Variants in GADL1 observed in about 807,000 individuals in gnomAD.
GADL1 encodes the protein GAD like acidic amino acid decarboxylase 1.
A neutral mutation model predicts 69.5 loss-of-function variants in GADL1; 71 were observed. That is an observed-to-expected ratio of 1.02 (90% CI 0.84 to 1.25). The LOEUF (loss-of-function observed/expected upper bound fraction) is 1.25, where lower values mean the gene tolerates loss of function less well. GADL1 is among the 50% of genes most tolerant of loss of function. The pLI is 0.00. For synonymous variants in GADL1, 254 were observed against 214.4 expected (o/e 1.18, Z -1.62); for missense variants, 737 against 631.8 (o/e 1.17, Z -1.79).
chr3:30,827,991 T>A (rs1279736123), intron 11 of GADL1, among the ~76,000 whole-genome samples: 1 of 151,944 alleles, frequency 6.6e-6, no homozygotes, highest in African/African-American at 2.4e-5. Context: ...AAGAAATTTA[T>A]AATGTACCTG....
intron 2 of GADL1, among the ~76,000 whole-genome samples, chr3:30,858,298 T>C (rs1310795765): frequency 1.3e-5 from 2 of 152,124 alleles, no homozygotes; most frequent in East Asian, 3.9e-4. Context: ...GAGTTTGGAC[T>C]TGGCTCTAAG....
intron 1 of GADL1, among the ~76,000 whole-genome samples, chr3:30,887,658 A>T (rs1698727263): frequency 2.0e-5 from 3 of 152,174 alleles, no homozygotes. Context: ...ACTAAGAGGC[A>T]GTCTTCAGGA....
At chr3:30,813,252 G>T (rs760768075) in intron 11 of GADL1, among the ~76,000 whole-genome samples, 15 of 152,074 alleles carry the variant, frequency 9.9e-5, no homozygotes, top group African/African-American at 3.6e-4. Context: ...TTGCACTGCA[G>T]CCCACCTCCT....
chr3:30,765,524 C>A (rs1194140567), intron 14 of GADL1, among the ~76,000 whole-genome samples: 1 of 152,114 alleles, frequency 6.6e-6, no homozygotes, highest in Non-Finnish European at 1.5e-5. Context: ...GACAATCAAC[C>A]CCATTATTAA....
intron 14 of GADL1, among the ~76,000 whole-genome samples, chr3:30,771,561 A>G: frequency 6.6e-6 from 1 of 152,218 alleles, no homozygotes; most frequent in South Asian, 2.1e-4. Context: ...TTAAACATAA[A>G]TTTTAAAGTA....
chr3:30,776,322 T>TA (rs1348997955), intron 14 of GADL1, among the ~76,000 whole-genome samples: 1 of 152,162 alleles, frequency 6.6e-6, no homozygotes, highest in Non-Finnish European at 1.5e-5. Flanking sequence ...TCTACCCTAC[T>TA]AAAAAATGTC....
At chr3:30,802,709 C>CA (rs1030735992) in intron 11 of GADL1, among the ~76,000 whole-genome samples, 17 of 152,152 alleles carry the variant, frequency 1.1e-4, no homozygotes, top group African/African-American at 3.6e-4. Context: ...TATTCTATTA[C>CA]AAAAAAGTAT....
At chr3:30,812,042 T>C (rs189560763) in intron 11 of GADL1, among the ~76,000 whole-genome samples, 1 of 152,344 alleles carries the variant, frequency 6.6e-6, no homozygotes, top group Non-Finnish European at 1.5e-5. Flanking sequence ...TGTTGAGTTT[T>C]TCTGATAACA....
In GADL1 at chr3:30,786,388, GATTTC is replaced by G; in HGVS notation, c.1264_1268del (p.Glu422GlnfsTer13). Reference sequence around the variant, plus strand: ...GTAACTTGAATCCTTCTCTTTTCTTGATTTCATCTACTAGGTACCTAAAATTAAAA... The same window carrying G: ...GTAACTTGAATCCTTCTCTTTTCTTGATCTACTAGGTACCTAAAATTAAAA... On this transcript the variant is annotated frameshift_variant, in exon 13 of 15. Coordinates refer to ENST00000282538, the MANE Select transcript of GADL1 (RefSeq NM_207359.3). LOFTEE classifies it high-confidence loss of function. 6.6e-7 allele frequency: 1 copy of G among 1,516,246 alleles called. No homozygotes were observed. The highest frequency in any genetic ancestry group is 1.1e-5 in the South Asian group (1 of 88,616). 93.9% of individuals were successfully genotyped at this position (1,516,246 alleles called of 1,614,324 possible). A position where few individuals can be genotyped will look rare whatever the true frequency, so the allele number is the denominator to read the frequency against.
intron 3 of GADL1, 53 bp from the exon 4 acceptor site, chr3:30,854,842 CT>C (rs2125534064): frequency 2.4e-6 from 2 of 837,256 alleles, no homozygotes; most frequent in Admixed American, 2.4e-5. Flanking sequence ...AAAAAAACTA[CT>C]GATACAGCAT....
intron 13 of GADL1, among the ~76,000 whole-genome samples, chr3:30,778,551 G>A (rs1575200772): frequency 6.6e-6 from 1 of 152,112 alleles, no homozygotes; most frequent in South Asian, 2.1e-4. Flanking sequence ...AGCTCTGATC[G>A]TCAGTTAGTG....
intron 4 of GADL1, among the ~76,000 whole-genome samples, chr3:30,851,561 T>C (rs58547425): frequency 0.042 from 6,373 of 152,212 alleles, 437 homozygotes; most frequent in African/African-American, 0.14. Flanking sequence ...GTCAGAGCAT[T>C]GATGTTTTAG....
chr3:30,834,302 C>A, intron 9 of GADL1, 21 bp from the exon 10 acceptor site: 1 of 1,599,680 alleles, frequency 6.3e-7, no homozygotes, highest in Non-Finnish European at 8.6e-7. Flanking sequence ...ATTTACAGTA[C>A]CAGAACAATG....
At chr3:30,797,436 A>C (rs1697059655) in intron 12 of GADL1, among the ~76,000 whole-genome samples, 2 of 152,212 alleles carry the variant, frequency 1.3e-5, no homozygotes, top group African/African-American at 2.4e-5. Flanking sequence ...CTTAAATAGC[A>C]TGTAGGACAT....
intron 12 of GADL1, among the ~76,000 whole-genome samples, chr3:30,793,009 T>TA (rs576002244): frequency 7.2e-5 from 11 of 152,142 alleles, no homozygotes; most frequent in Non-Finnish European, 1.3e-4. Flanking sequence ...TGATTAAAGT[T>TA]AAAAAATGCT....
intron 6 of GADL1, among the ~76,000 whole-genome samples, chr3:30,846,131 G>GC (rs547928033): frequency 1.2e-3 from 186 of 151,492 alleles, no homozygotes; most frequent in African/African-American, 4.3e-3. Context: ...AGCCCTGGAA[G>GC]GGAGAACAAA....
chr3:30,808,517 A>G (rs922593989), intron 11 of GADL1, among the ~76,000 whole-genome samples: 8 of 148,834 alleles, frequency 5.4e-5, no homozygotes, highest in African/African-American at 2.0e-4. Flanking sequence ...AAAAATGAGG[A>G]TATCATTCAA....
chr3:30,808,730 T>C (rs1697300030), intron 11 of GADL1, among the ~76,000 whole-genome samples: 1 of 152,184 alleles, frequency 6.6e-6, no homozygotes, highest in Admixed American at 6.5e-5. Context: ...AAAATAACCC[T>C]CTCTTCATTT....
intron 11 of GADL1, among the ~76,000 whole-genome samples, chr3:30,807,998 C>A (rs998787467): frequency 1.6e-4 from 25 of 152,172 alleles, no homozygotes; most frequent in African/African-American, 6.0e-4. Flanking sequence ...TGCCACTGCA[C>A]TCCAGCCTGG....
Sources: allele counts gnomAD v4.1 joint callset (sites outside exome capture counted in the v4.1 genomes callset), GRCh38; gene constraint gnomAD v4.1.1; transcripts MANE v1.5; gene names NCBI Gene and HGNC (gene_info 2026-07-23, HGNC 2026-07-21).